RASGEF1C: variants seen among roughly 807,000 people sequenced by gnomAD.
RASGEF1C encodes the protein ras-GEF domain-containing family member 1C.
A neutral mutation model predicts 58.1 loss-of-function variants in RASGEF1C; 27 were observed. That is an observed-to-expected ratio of 0.46 (90% CI 0.34 to 0.64). The LOEUF is 0.64. Among genes scored for constraint, RASGEF1C ranks in the 30% least tolerant of loss-of-function variants. The pLI is 0.01. For synonymous variants in RASGEF1C, 243 were observed against 246.3 expected, an observed-to-expected ratio of 0.99 and a Z score of 0.13; for missense variants, 502 against 605.1, an observed-to-expected ratio of 0.83 and a Z score of 1.79.
At chr5:180,183,338 G>A (rs955210934) in intron 1 of RASGEF1C, among the ~76,000 whole-genome samples, 2 of 151,996 alleles carry the variant, frequency 1.3e-5, no homozygotes, top group African/African-American at 2.4e-5. Context: ...TACCAAGATC[G>A]GTTTAATGTT....
chr5:180,199,921 C>T (rs767782414), intron 1 of RASGEF1C, among the ~76,000 whole-genome samples: 103 of 152,140 alleles, frequency 6.8e-4, no homozygotes, highest in Non-Finnish European at 9.0e-4. Flanking sequence ...ATTCCTGTAG[C>T]TTACTCTTAA....
At chr5:180,174,501 TGTGTGTGC>T in intron 1 of RASGEF1C, among the ~76,000 whole-genome samples, 1 of 149,170 alleles carries the variant, frequency 6.7e-6, no homozygotes. Context: ...CGTGTGTGTC[TGTGTGTGC>T]GTGCGCGTAC....
chr5:180,138,042 G>C lies in RASGEF1C; in HGVS notation c.11C>G (p.Thr4Arg), dbSNP rs752915960. 25 of 1,508,284 alleles carry C rather than the reference G, an allele frequency of 1.7e-5. No homozygotes were observed. Among genetic ancestry groups the C allele is most frequent in the Non-Finnish European group, 2.2e-5 (25 of 1,134,240 alleles). The allele number at this position is 1,508,284 out of a possible 1,614,324, so 93.4% of individuals were successfully genotyped here. A position where few individuals can be genotyped will look rare whatever the true frequency, so the allele number is the denominator to read the frequency against. Reference protein sequence around the residue: MPQTLSASDMVTPG... With the variant: MPQRLSASDMVTPG... Reference sequence around the variant, plus strand: ...GGTGACCATGTCGGAGGCACTCAGCGTCTGTGGCATGTCTGCCTGCAATGG... The same window carrying C: ...GGTGACCATGTCGGAGGCACTCAGCCTCTGTGGCATGTCTGCCTGCAATGG... The change falls in exon 2 of 14, where the codon ACG (threonine) becomes AGG (arginine). Residue 4 changes from threonine to arginine, a missense_variant. Coordinates refer to ENST00000361132, the MANE Select transcript of RASGEF1C (RefSeq NM_175062.4).
At chr5:180,113,353 C>T (rs1422360160) in intron 11 of RASGEF1C, among the ~76,000 whole-genome samples, 2 of 32,958 alleles carry the variant, frequency 6.1e-5, no homozygotes, top group Admixed American at 3.2e-4. Flanking sequence ...CGGGGATGGA[C>T]TGAGGGATCC....
chr5:180,104,059 G>A (rs1042041330), intron 12 of RASGEF1C, among the ~76,000 whole-genome samples: 1 of 152,070 alleles, frequency 6.6e-6, no homozygotes, highest in African/African-American at 2.4e-5. Context: ...TTTACATATT[G>A]CTGAACTCTA....
rs1368866687 is a variant in RASGEF1C at position 180,156,282 on chromosome 5, G to T, written c.-6-18224C>A. On this transcript the variant is annotated intron_variant, in intron 1 of 13. Transcript: ENST00000361132. This position sits in a 1 kb window ranked among gnomAD's most constrained non-coding sequence, Gnocchi z 4.9. ...CTGCCCCTGCTGGACGGAGGCTCCA[G>T]GAGGTGAGCGGATCAGTCTCCAGGC... 6.6e-6 allele frequency among the ~76,000 whole-genome samples: 1 copy of T among 152,164 alleles called. No homozygotes were observed. The highest frequency in any genetic ancestry group is 1.5e-5 in the Non-Finnish European group (1 of 68,028).
chr5:180,119,730 G>A (rs764864757), intron 7 of RASGEF1C, among the ~76,000 whole-genome samples: 6 of 151,912 alleles, frequency 3.9e-5, no homozygotes, highest in East Asian at 1.9e-4. Flanking sequence ...CCCCTCCAGC[G>A]CCCTCCTCCC....
rs189342395 is a variant in RASGEF1C at position 180,173,731 on chromosome 5, G to C, written c.-7+35297C>G. On this transcript the variant is annotated intron_variant, in intron 1 of 13. Transcript: ENST00000361132. The stretch of plus-strand genomic sequence containing the variant: ...AGTTTGAGACCAGCCTGGCCAACAT[G>C]GTGAAACCCCGTCTCTACTAAAAAT... Among the ~76,000 whole-genome samples, 95 of 152,216 alleles carry C rather than the reference G, an allele frequency of 6.2e-4. 1 individual carries two copies. Among genetic ancestry groups the C allele is most frequent in the African/African-American group, 2.2e-3 (90 of 41,542 alleles).
At position 180,137,426 on chromosome 5, in the gene RASGEF1C, C is replaced by T. The variant is rs1344334626; in HGVS notation, c.300+164G>A. 6.6e-6 allele frequency among the ~76,000 whole-genome samples: 1 copy of T among 152,210 alleles called. No homozygotes were observed. Among genetic ancestry groups the T allele is most frequent in the African/African-American group, 2.4e-5 (1 of 41,454 alleles). On this transcript the variant is annotated intron_variant, in intron 3 of 13. Coordinates refer to ENST00000361132, the MANE Select transcript of RASGEF1C (RefSeq NM_175062.4). The surrounding 1 kb of genome is among the most constrained non-coding windows in gnomAD (Gnocchi z 4.1). The stretch of plus-strand genomic sequence containing the variant: ...CTACATGGAGGTTAAAGGTCCTGTT[C>T]TGCTCCTTCTGGCTCTGGGCCTCAG...
At chr5:180,108,837 C>T (rs1041151654) in intron 12 of RASGEF1C, among the ~76,000 whole-genome samples, 1 of 152,198 alleles carries the variant, frequency 6.6e-6, no homozygotes, top group African/African-American at 2.4e-5. Flanking sequence ...GGGCTCAGTA[C>T]ATCCTAGGTC....
At chr5:180,132,921 T>C (rs1766394820) in intron 4 of RASGEF1C, among the ~76,000 whole-genome samples, 1 of 137,710 alleles carries the variant, frequency 7.3e-6, no homozygotes, top group South Asian at 2.3e-4. Context: ...GTGAGCCAAA[T>C]CACGCCACTG....
intron 6 of RASGEF1C, among the ~76,000 whole-genome samples, chr5:180,123,998 A>C (rs1361634046): frequency 1.3e-5 from 2 of 152,162 alleles, no homozygotes; most frequent in Non-Finnish European, 2.9e-5. Context: ...CAGACTAAAG[A>C]AGAAACATAA....
intron 1 of RASGEF1C, among the ~76,000 whole-genome samples, chr5:180,139,695 G>A (rs542196658): frequency 1.1e-4 from 16 of 152,344 alleles, no homozygotes; most frequent in African/African-American, 3.8e-4. Context: ...CCTCCTGTCT[G>A]TCCCAGGGGG....
At chr5:180,169,033 T>G (rs1485510677) in intron 1 of RASGEF1C, among the ~76,000 whole-genome samples, 1 of 152,096 alleles carries the variant, frequency 6.6e-6, no homozygotes, top group Non-Finnish European at 1.5e-5. Context: ...TCTGTTGGTT[T>G]TAAGCTGTGT....
At chr5:180,159,230 C>T (rs1402013329) in intron 1 of RASGEF1C, among the ~76,000 whole-genome samples, 1 of 151,588 alleles carries the variant, frequency 6.6e-6, no homozygotes, top group Non-Finnish European at 1.5e-5. Context: ...ACCTTTGCCT[C>T]CCAGGTTCAA....
chr5:180,109,157 T>C (rs1216414537), intron 12 of RASGEF1C, among the ~76,000 whole-genome samples: 1 of 152,114 alleles, frequency 6.6e-6, no homozygotes, highest in Non-Finnish European at 1.5e-5. Context: ...ACAATCATCA[T>C]AATAATTAGG....
chr5:180,170,119 G>A (rs1767082504), intron 1 of RASGEF1C, among the ~76,000 whole-genome samples: 3 of 152,210 alleles, frequency 2.0e-5, no homozygotes, highest in South Asian at 2.1e-4. Flanking sequence ...TCCTGCTCGC[G>A]GCTGCACCCC....
chr5:180,193,073 T>G (rs1312322630), intron 1 of RASGEF1C, among the ~76,000 whole-genome samples: 1 of 146,392 alleles, frequency 6.8e-6, no homozygotes, highest in East Asian at 2.0e-4. Context: ...TTTTGTTTTT[T>G]GAGACGGTGT....
Position 180,137,754 on chromosome 5 carries a change from A to G in RASGEF1C, c.178-42T>C. 1 of 1,609,848 alleles carries G rather than the reference A, an allele frequency of 6.2e-7. No individual in the cohort carries two copies. Among genetic ancestry groups the G allele is most frequent in the Non-Finnish European group, 8.5e-7 (1 of 1,177,876 alleles). ...AAAGAGGGCACAGGCTCAGGAGGGC[A>G]CCAGGAGGGGCATGCTTCCCAGCTG... On this transcript the variant is annotated intron_variant, in intron 2 of 13. Coordinates refer to ENST00000361132, the MANE Select transcript of RASGEF1C (RefSeq NM_175062.4). This position sits in a 1 kb window ranked among gnomAD's most constrained non-coding sequence, Gnocchi z 4.1.
Sources: allele counts gnomAD v4.1 joint callset (sites outside exome capture counted in the v4.1 genomes callset), GRCh38; gene constraint gnomAD v4.1.1; non-coding constraint Gnocchi (gnomAD v3.1); transcripts MANE v1.5; gene names NCBI Gene and HGNC (gene_info 2026-07-23, HGNC 2026-07-21).